GNAQ: variants seen among roughly 807,000 people sequenced by gnomAD.
The protein encoded by GNAQ is G protein subunit alpha q, also known as guanine nucleotide-binding protein G(q) subunit alpha.
A neutral mutation model predicts 43.9 loss-of-function variants in GNAQ; 8 were observed. That is an observed-to-expected ratio of 0.18 (90% CI 0.11 to 0.33). The LOEUF (loss-of-function observed/expected upper bound fraction) is 0.33, where lower values mean the gene tolerates loss of function less well. GNAQ is among the 10% of genes least tolerant of loss of function. The probability of loss-of-function intolerance (pLI) is 1.00; values close to 1 mark genes in which losing one functional copy is unlikely to be tolerated. For missense variants in GNAQ, 158 were observed against 450.8 expected (o/e 0.35, Z 5.88); for synonymous variants, 155 against 170.7 (o/e 0.91, Z 0.71).
intron 1 of GNAQ, among the ~76,000 whole-genome samples, chr9:77,946,115 A>C (rs981715715): frequency 1.3e-5 from 2 of 152,212 alleles, no homozygotes; most frequent in African/African-American, 4.8e-5. Flanking sequence ...CCAAATGGTG[A>C]AGTGGTAACA....
intron 1 of GNAQ, among the ~76,000 whole-genome samples, chr9:77,973,478 C>A (rs1160779845): frequency 6.6e-6 from 1 of 152,152 alleles, no homozygotes; most frequent in Non-Finnish European, 1.5e-5. Flanking sequence ...GAAGAGTTCA[C>A]AACCACACTG....
intron 1 of GNAQ, among the ~76,000 whole-genome samples, chr9:77,926,092 C>T (rs1426122995): frequency 6.6e-6 from 1 of 152,046 alleles, no homozygotes; most frequent in East Asian, 1.9e-4. Context: ...ATAGGGAAGG[C>T]CAAATGCATA....
At chr9:78,020,601 G>A (rs894475410) in intron 1 of GNAQ, among the ~76,000 whole-genome samples, 1 of 152,180 alleles carries the variant, frequency 6.6e-6, no homozygotes, top group Non-Finnish European at 1.5e-5. Flanking sequence ...GAGGCGGCCA[G>A]AAGAGGCAGC....
intron 4 of GNAQ, among the ~76,000 whole-genome samples, chr9:77,795,800 A>G (rs978021031): frequency 1.3e-5 from 2 of 152,220 alleles, no homozygotes; most frequent in Non-Finnish European, 2.9e-5. Flanking sequence ...ACTCTGTCAC[A>G]CTGGGCCGTA....
intron 2 of GNAQ, among the ~76,000 whole-genome samples, chr9:77,888,400 G>A (rs568679762): frequency 1.1e-4 from 16 of 152,216 alleles, no homozygotes; most frequent in African/African-American, 2.9e-4. Flanking sequence ...CAAAATTAGT[G>A]TTCCCAGAGA....
At chr9:77,749,534 A>G (rs1488589258) in intron 5 of GNAQ, among the ~76,000 whole-genome samples, 2 of 152,226 alleles carry the variant, frequency 1.3e-5, no homozygotes, top group Non-Finnish European at 2.9e-5. Flanking sequence ...TTATTTCCAT[A>G]AATAATATAC....
intron 2 of GNAQ, among the ~76,000 whole-genome samples, chr9:77,893,411 G>T (rs1204270133): frequency 1.3e-5 from 2 of 152,184 alleles, no homozygotes; most frequent in Admixed American, 1.3e-4. Flanking sequence ...TATATGGTCT[G>T]AAAAGGGGAG....
At chr9:77,933,857 T>C (rs1019031839) in intron 1 of GNAQ, among the ~76,000 whole-genome samples, 1 of 152,142 alleles carries the variant, frequency 6.6e-6, no homozygotes, top group African/African-American at 2.4e-5. Context: ...CAATCCAGAT[T>C]ATTAGGTCAC....
At chr9:77,870,835 A>G (rs1210911331) in intron 2 of GNAQ, among the ~76,000 whole-genome samples, 1 of 152,186 alleles carries the variant, frequency 6.6e-6, no homozygotes, top group East Asian at 1.9e-4. Flanking sequence ...AAAACCTCAA[A>G]AACACTATGT....
At chr9:77,932,403 A>G (rs1267961296) in intron 1 of GNAQ, among the ~76,000 whole-genome samples, 1 of 152,240 alleles carries the variant, frequency 6.6e-6, no homozygotes, top group African/African-American at 2.4e-5. Flanking sequence ...ATAATAAAAT[A>G]TCTAATGGAG....
chr9:77,808,869 A>AAAAAC (rs568207074), intron 3 of GNAQ, among the ~76,000 whole-genome samples: 29 of 151,792 alleles, frequency 1.9e-4, no homozygotes, highest in South Asian at 6.2e-4. Flanking sequence ...TAAACTTAAA[A>AAAAAC]AAAACAAAAC....
chr9:78,000,174 G>A (rs771920381), intron 1 of GNAQ, among the ~76,000 whole-genome samples: 4 of 152,058 alleles, frequency 2.6e-5, no homozygotes, highest in Admixed American at 2.6e-4. Context: ...TAAAAAGAGG[G>A]TAATTAGCAT....
chr9:78,006,766 T>C (rs944185517), intron 1 of GNAQ, among the ~76,000 whole-genome samples: 10 of 152,220 alleles, frequency 6.6e-5, no homozygotes, highest in East Asian at 1.9e-4. Flanking sequence ...AACTCACAAA[T>C]AGAAGATTTT....
intron 3 of GNAQ, among the ~76,000 whole-genome samples, chr9:77,807,836 T>C (rs1049642911): frequency 1.3e-5 from 2 of 152,210 alleles, no homozygotes; most frequent in African/African-American, 4.8e-5. Flanking sequence ...TATAAATATT[T>C]TAGGACTTTT....
chr9:77,991,951 C>T (rs1328596070), intron 1 of GNAQ, among the ~76,000 whole-genome samples: 2 of 152,172 alleles, frequency 1.3e-5, no homozygotes, highest in African/African-American at 4.8e-5. Context: ...GCCACATTTT[C>T]TTTATCCACT....
At chr9:77,901,555 C>T (rs1201490065) in intron 2 of GNAQ, among the ~76,000 whole-genome samples, 1 of 152,208 alleles carries the variant, frequency 6.6e-6, no homozygotes, top group Non-Finnish European at 1.5e-5. Context: ...TGGAGCTACT[C>T]TTTCTCTTAG....
chr9:78,003,264 G>T (rs1823665206), intron 1 of GNAQ, among the ~76,000 whole-genome samples: 1 of 152,190 alleles, frequency 6.6e-6, no homozygotes, highest in Non-Finnish European at 1.5e-5. Flanking sequence ...AAAATTAGAT[G>T]AGAGAGCACT....
At chr9:77,884,747 T>C (rs941217187) in intron 2 of GNAQ, among the ~76,000 whole-genome samples, 4 of 152,178 alleles carry the variant, frequency 2.6e-5, no homozygotes, top group South Asian at 2.1e-4. Flanking sequence ...TACCCCATCA[T>C]AGTCTAAGTT....
At chr9:77,893,641 G>A (rs188668638) in intron 2 of GNAQ, among the ~76,000 whole-genome samples, 63 of 152,080 alleles carry the variant, frequency 4.1e-4, no homozygotes, top group Admixed American at 1.4e-3. Context: ...TTTCTTGCTC[G>A]AGCTCCAAGA....
Sources: gnomAD v4.1 joint callset for allele counts (sites outside exome capture counted in the v4.1 genomes callset) on GRCh38, gnomAD v4.1.1 for gene constraint, MANE v1.5 for transcripts, NCBI Gene and HGNC (gene_info 2026-07-23, HGNC 2026-07-21) for gene names.